The following DNAH11 variants were observed in gnomAD, a reference collection of about 807,000 sequenced individuals.
The protein encoded by DNAH11 is axonemal beta dynein heavy chain 11.
DNAH11 carries 442 observed loss-of-function variants against 526.0 expected under a neutral mutation model. The observed-to-expected ratio is 0.84, with a 90% CI of 0.78 to 0.91. DNAH11 has a LOEUF of 0.91. Among genes scored for constraint, DNAH11 ranks in the 40% least tolerant of loss-of-function variants. The pLI is 0.00. For missense variants in DNAH11, 6,989 were observed against 5,448.7 expected (o/e 1.28, Z -8.90); for synonymous variants, 2,461 against 1,935.9 (o/e 1.27, Z -7.12).
At chr7:21,727,842 G>T (rs1240508849) in intron 45 of DNAH11, among the ~76,000 whole-genome samples, 1 of 152,168 alleles carries the variant, frequency 6.6e-6, no homozygotes, top group East Asian at 1.9e-4. Flanking sequence ...AGTTCTAGAG[G>T]CTAGAAGTCC....
rs6461613 is a variant in DNAH11 at position 21,884,396 on chromosome 7, A to G, written c.12493A>G (p.Met4165Val). Reference protein sequence around the residue: ...KLCRVYLEEFMNPSLTEDELM... With the variant: ...KLCRVYLEEFVNPSLTEDELM... ...GTGTCGGGTGTATTTAGAAGAATTC[A>G]TGAATCCATCTCTGGTAAGACATTT... Residue 4165 changes from methionine (M) to valine (V), a missense_variant, in exon 76 of 82, where the codon ATG becomes GTG. Transcript: ENST00000409508. 1,290,769 of 1,608,656 alleles carry G rather than the reference A, an allele frequency of 0.8. 528,502 individuals are homozygous for G. The highest frequency in any genetic ancestry group is 0.85 in the Non-Finnish European group (995,064 of 1,177,292).
At chr7:21,673,794 C>G (rs377118457) in intron 30 of DNAH11, among the ~76,000 whole-genome samples, 166 of 152,250 alleles carry the variant, frequency 1.1e-3, no homozygotes, top group African/African-American at 3.7e-3. Context: ...CTTGCTCTTT[C>G]CTTTTTCTCA....
At chr7:21,895,121 C>G (rs967341741) in intron 79 of DNAH11, 122 bp downstream of exon 79, 8 of 777,496 alleles carry the variant, frequency 1.0e-5, no homozygotes, top group African/African-American at 1.7e-5. Flanking sequence ...AACCTGTAAC[C>G]GTAAAAAATT....
Position 21,880,683 on chromosome 7 carries a change from TTCTTC to T in DNAH11, c.12196-14_12196-10del, listed in dbSNP as rs749321611. ...ACCATACAGATGGATAATCAAGCATTTCTTCTCTTTTTTCCCAGGATACACTTGAA... is the reference window on the plus strand; with the variant it reads ...ACCATACAGATGGATAATCAAGCATTTCTTTTTTCCCAGGATACACTTGAA... On this transcript the variant is annotated splice_polypyrimidine_tract_variant and intron_variant, in intron 74 of 81. Transcript: ENST00000409508. 6.2e-7 allele frequency: 1 copy of T among 1,612,764 alleles called. No homozygotes were observed. Among genetic ancestry groups the T allele is most frequent in the Non-Finnish European group, 8.5e-7 (1 of 1,179,536 alleles).
chr7:21,656,348 T>C (rs1176299619), intron 29 of DNAH11, among the ~76,000 whole-genome samples: 2 of 152,192 alleles, frequency 1.3e-5, no homozygotes, highest in South Asian at 2.1e-4. Flanking sequence ...AGAAGGGTTA[T>C]AGTGAAGCAG....
At chr7:21,896,272 G>C (rs1784512371) in intron 79 of DNAH11, among the ~76,000 whole-genome samples, 1 of 152,058 alleles carries the variant, frequency 6.6e-6, no homozygotes, top group Non-Finnish European at 1.5e-5. Context: ...TATAGAGCAG[G>C]GCTTGGAGGG....
At chr7:21,703,148 G>T (rs1469966765) in intron 37 of DNAH11, among the ~76,000 whole-genome samples, 6 of 152,172 alleles carry the variant, frequency 3.9e-5, no homozygotes, top group African/African-American at 1.4e-4. Context: ...ATCCTGGAAA[G>T]TCAGCGAAGA....
intron 79 of DNAH11, among the ~76,000 whole-genome samples, chr7:21,895,632 C>T (rs1441930686): frequency 1.3e-5 from 2 of 152,168 alleles, no homozygotes; most frequent in Non-Finnish European, 2.9e-5. Flanking sequence ...GTTTCTTTCC[C>T]CCTGCTTTCC....
At chr7:21,712,257 A>G (rs1204889436) in intron 42 of DNAH11, among the ~76,000 whole-genome samples, 1 of 152,206 alleles carries the variant, frequency 6.6e-6, no homozygotes, top group East Asian at 1.9e-4. Flanking sequence ...TGTACATACC[A>G]CATTTCGTTT....
intron 18 of DNAH11, among the ~76,000 whole-genome samples, chr7:21,604,200 T>C (rs11984410): frequency 0.029 from 4,459 of 152,244 alleles, 219 homozygotes; most frequent in African/African-American, 0.1. Flanking sequence ...AGAGTTGAAG[T>C]ATTACTTCCT....
intron 69 of DNAH11, among the ~76,000 whole-genome samples, chr7:21,863,233 C>A (rs1006149982): frequency 5.3e-5 from 8 of 152,176 alleles, no homozygotes; most frequent in Admixed American, 3.9e-4. Flanking sequence ...CTTACCTATT[C>A]TGTGTGTGCC....
At chr7:21,663,133 T>C (rs991488890) in intron 30 of DNAH11, among the ~76,000 whole-genome samples, 1 of 152,150 alleles carries the variant, frequency 6.6e-6, no homozygotes, top group Non-Finnish European at 1.5e-5. Flanking sequence ...GTTCCCTGCG[T>C]GTTGCTACAA....
intron 12 of DNAH11, 37 bp downstream of exon 12, chr7:21,589,440 C>A: frequency 1.3e-6 from 2 of 1,495,188 alleles, no homozygotes; most frequent in South Asian, 1.3e-5. Flanking sequence ...TTATAAGTGC[C>A]CTTTTTATTA....
intron 25 of DNAH11, among the ~76,000 whole-genome samples, chr7:21,630,215 C>T (rs1583545485): frequency 6.6e-6 from 1 of 151,950 alleles, no homozygotes; most frequent in Non-Finnish European, 1.5e-5. Context: ...ATTCCTTCCC[C>T]CCACCCCACA....
At chr7:21,787,736 A>C (rs529020805) in intron 60 of DNAH11, among the ~76,000 whole-genome samples, 153 bp downstream of exon 60, 31 of 152,338 alleles carry the variant, frequency 2.0e-4, no homozygotes, top group African/African-American at 7.5e-4. Flanking sequence ...TGTTAGAGTA[A>C]ACAATTCTCT....
Position 21,854,093 on chromosome 7 carries a change from G to A in DNAH11, c.11062-222G>A, listed in dbSNP as rs4719677. Among the ~76,000 whole-genome samples the A allele has an allele frequency of 0.63, 95,504 of 151,982 alleles. 30,572 individuals are homozygous for A. Among genetic ancestry groups the A allele is most frequent in the African/African-American group, 0.67 (27,563 of 41,446 alleles). On this transcript the variant is annotated intron_variant, in intron 67 of 81. Coordinates refer to ENST00000409508, the MANE Select transcript of DNAH11 (RefSeq NM_001277115.2). ...TGTTTAATCTGTAACCTAGAAAACC[G>A]CTAGAGTTATGTCCATTCTCACTGA...
Position 21,892,533 on chromosome 7 carries a change from C to A in DNAH11, c.12616C>A (p.Leu4206Met), listed in dbSNP as rs777004813. The A allele has an allele frequency of 5.6e-6, 9 of 1,613,866 alleles. No individual in the cohort carries two copies. The highest frequency in any genetic ancestry group is 7.6e-6 in the Non-Finnish European group (9 of 1,179,898). Reference sequence around the variant, plus strand: ...GATGCTTCCTCCAGAAAGCCCGGCACTGTATGGCCTCCACCCAAATGCTGA... The same window carrying A: ...GATGCTTCCTCCAGAAAGCCCGGCAATGTATGGCCTCCACCCAAATGCTGA... ...EEMLPPESPA[L>M]YGLHPNAEIE... The change falls in exon 77 of 82, where the codon CTG becomes ATG. Residue 4206 changes from leucine (L) to methionine (M), a missense_variant. Transcript: ENST00000409508.
rs183170050 is a variant in DNAH11, at chr7:21,543,127, C to T, written c.-119C>T. ...GCAGCAGGTGGGAGACTAGGGTCTGCGCTCGCGGCGACCGCGGAGGAGGGT... is the reference window on the plus strand; with the variant it reads ...GCAGCAGGTGGGAGACTAGGGTCTGTGCTCGCGGCGACCGCGGAGGAGGGT... On this transcript the variant is annotated 5_prime_UTR_variant, in exon 1 of 82. Transcript: ENST00000409508. The T allele has an allele frequency of 1.2e-3, 1,650 of 1,433,198 alleles. 9 individuals are homozygous for T. The African/African-American group carries it at 0.019, about 16-fold the overall frequency. The allele number at this position is 1,433,198 out of a possible 1,614,324, so 88.8% of individuals were successfully genotyped here.
chr7:21,546,715 C>T (rs557533897), intron 2 of DNAH11, among the ~76,000 whole-genome samples: 1 of 152,246 alleles, frequency 6.6e-6, no homozygotes, highest in African/African-American at 2.4e-5. Flanking sequence ...ATCACGTTGG[C>T]CCACATTTCA....
Sources: gnomAD v4.1 joint callset for allele counts (sites outside exome capture counted in the v4.1 genomes callset) on GRCh38, gnomAD v4.1.1 for gene constraint, MANE v1.5 for transcripts, NCBI Gene and HGNC (gene_info 2026-07-23, HGNC 2026-07-21) for gene names.